The following UBE2QL1 variants were observed in gnomAD, a reference collection of about 807,000 sequenced individuals.
UBE2QL1 encodes ubiquitin conjugating enzyme E2 QL1.
Under a neutral mutation model 12.6 loss-of-function variants are expected in UBE2QL1, and 5 were observed. That is an observed-to-expected ratio of 0.40 (90% CI 0.21 to 0.83). UBE2QL1 has a LOEUF of 0.83. UBE2QL1 is among the 40% of genes least tolerant of loss of function. UBE2QL1 has a pLI of 0.37. For synonymous variants in UBE2QL1, 96 were observed against 94.5 expected, an observed-to-expected ratio of 1.02 and a Z score of -0.10; for missense variants, 99 against 222.6, an observed-to-expected ratio of 0.44 and a Z score of 3.53.
chr5:6,463,985 A>T (rs1341298262), intron 1 of UBE2QL1, among the ~76,000 whole-genome samples: 3 of 148,492 alleles, frequency 2.0e-5, no homozygotes, highest in African/African-American at 7.5e-5. Context: ...TTTTTTTTTT[A>T]ATTTGAGACA....
chr5:6,460,138 CA>C (rs1560928900), intron 1 of UBE2QL1, among the ~76,000 whole-genome samples: 1 of 152,130 alleles, frequency 6.6e-6, no homozygotes, highest in African/African-American at 2.4e-5. Context: ...CAGGCAGAGG[CA>C]AGGCTCCAGC....
chr5:6,476,972 T>C lies in UBE2QL1; in HGVS notation c.355-14246T>C, dbSNP rs911027794. On this transcript the variant is annotated intron_variant, in intron 1 of 1. Transcript: ENST00000399816. The surrounding 1 kb of genome is among the most constrained non-coding windows in gnomAD (Gnocchi z 4.9). ...CACCTTCACCCCATCCTCCCCAGGA[T>C]GGCCCACATGGAAGCCCACAGACCA... Among the ~76,000 whole-genome samples, 1 of 152,072 alleles carries C rather than the reference T, an allele frequency of 6.6e-6. No individual in the cohort carries two copies. Among genetic ancestry groups the C allele is most frequent in the Non-Finnish European group, 1.5e-5 (1 of 68,018 alleles).
chr5:6,483,171 C>T (rs748860463), intron 1 of UBE2QL1, among the ~76,000 whole-genome samples: 17 of 152,178 alleles, frequency 1.1e-4, no homozygotes, highest in Non-Finnish European at 1.6e-4. Context: ...TGCGGTGGCT[C>T]ATGCCTGTAA....
chr5:6,466,813 T>C (rs1739805826), intron 1 of UBE2QL1, among the ~76,000 whole-genome samples: 1 of 152,214 alleles, frequency 6.6e-6, no homozygotes, highest in South Asian at 2.1e-4. Context: ...GTCAGAGTGT[T>C]TTAGTACGTG....
chr5:6,459,861 G>A (rs988123635), intron 1 of UBE2QL1, among the ~76,000 whole-genome samples: 1 of 152,134 alleles, frequency 6.6e-6, no homozygotes, highest in Non-Finnish European at 1.5e-5. Context: ...CCTAATTATA[G>A]GAAGTGCTGA....
intron 1 of UBE2QL1, among the ~76,000 whole-genome samples, chr5:6,449,800 T>C (rs1481520976): frequency 1.3e-5 from 2 of 151,684 alleles, no homozygotes; most frequent in Non-Finnish European, 2.9e-5. Context: ...ATAATCTCTA[T>C]GAAGGTGAGA....
At chr5:6,457,221 C>A (rs1739544620) in intron 1 of UBE2QL1, among the ~76,000 whole-genome samples, 2 of 151,990 alleles carry the variant, frequency 1.3e-5, no homozygotes, top group Admixed American at 1.3e-4. Context: ...CCACCAGCCC[C>A]TTCTGCCTGG....
In UBE2QL1 at chr5:6,492,168, G is replaced by C. The variant is rs897820765; in HGVS notation, c.*819G>C. On this transcript the variant is annotated 3_prime_UTR_variant, in exon 2 of 2. Transcript: ENST00000399816. ...ACAGTCTCGTCCGATGTTAGGAAAT[G>C]GTCCTACGGCCGCGCCTTTGTGTTC... The C allele has an allele frequency of 6.6e-6, 1 of 152,238 alleles. No individual in the cohort carries two copies. Among genetic ancestry groups the C allele is most frequent in the Non-Finnish European group, 1.5e-5 (1 of 68,048 alleles). The allele number at this position is 152,238 out of a possible 1,614,324, so 9.4% of individuals were successfully genotyped here.
chr5:6,478,183 T>C lies in UBE2QL1; in HGVS notation c.355-13035T>C, dbSNP rs566028845. Among the ~76,000 whole-genome samples, 121 of 152,384 alleles carry C rather than the reference T, an allele frequency of 7.9e-4. No homozygotes were observed. Among genetic ancestry groups the C allele is most frequent in the Non-Finnish European group, 1.4e-3 (94 of 68,040 alleles). On this transcript the variant is annotated intron_variant, in intron 1 of 1. Coordinates refer to ENST00000399816, the MANE Select transcript of UBE2QL1 (RefSeq NM_001145161.3). This position sits in a 1 kb window ranked among gnomAD's most constrained non-coding sequence, Gnocchi z 4.5. ...AGATCATATTTTCACACGGAAATTTTACCTGAAAATATATCTGAAGACTTC... is the reference window on the plus strand; with the variant it reads ...AGATCATATTTTCACACGGAAATTTCACCTGAAAATATATCTGAAGACTTC...
At chr5:6,487,804 G>A (rs1204809998) in intron 1 of UBE2QL1, among the ~76,000 whole-genome samples, 2 of 152,222 alleles carry the variant, frequency 1.3e-5, no homozygotes, top group African/African-American at 2.4e-5. Flanking sequence ...CATTTCAAGA[G>A]ACTGTATCCT....
At chr5:6,485,333 T>C (rs890578963) in intron 1 of UBE2QL1, among the ~76,000 whole-genome samples, 2 of 152,228 alleles carry the variant, frequency 1.3e-5, no homozygotes, top group African/African-American at 4.8e-5. Context: ...TCTGATCTGT[T>C]GTAGAGTCTC....
intron 1 of UBE2QL1, among the ~76,000 whole-genome samples, chr5:6,453,564 A>G (rs978128973): frequency 6.6e-6 from 1 of 152,200 alleles, no homozygotes; most frequent in Non-Finnish European, 1.5e-5. Context: ...TAATAAAGGA[A>G]ACTTGTCTAA....
rs116117813 is a variant in UBE2QL1, at chr5:6,451,792, A to G, written c.354+2545A>G. Reference sequence around the variant, plus strand: ...TGGTGTTTCAGGTAACCTGAGGTTGATTGTCTCTTTATGTACTTTTGCAAA... The same window carrying G: ...TGGTGTTTCAGGTAACCTGAGGTTGGTTGTCTCTTTATGTACTTTTGCAAA... On this transcript the variant is annotated intron_variant, in intron 1 of 1. Coordinates refer to ENST00000399816, the MANE Select transcript of UBE2QL1 (RefSeq NM_001145161.3). Among the ~76,000 whole-genome samples the G allele has an allele frequency of 4.4e-3, 670 of 152,304 alleles. 5 individuals carry two copies. Among genetic ancestry groups the G allele is most frequent in the African/African-American group, 0.015 (631 of 41,566 alleles).
chr5:6,450,098 C>A lies in UBE2QL1; in HGVS notation c.354+851C>A, dbSNP rs112258695. ...GAGACAAGACCAGACCCCCCCCCCC[C>A]ACGGCAATGCCTGTTTTCCCCTCAG... is the stretch of plus-strand genomic sequence containing the variant. On this transcript the variant is annotated intron_variant, in intron 1 of 1. Coordinates refer to ENST00000399816, the MANE Select transcript of UBE2QL1 (RefSeq NM_001145161.3). Among the ~76,000 whole-genome samples, 286 of 144,512 alleles carry A rather than the reference C, an allele frequency of 2.0e-3. 1 individual carries two copies. Among genetic ancestry groups the A allele is most frequent in the African/African-American group, 6.3e-3 (250 of 39,682 alleles). The allele number at this position is 144,512 out of a possible 152,430, so 94.8% of individuals were successfully genotyped here. A position where few individuals can be genotyped will look rare whatever the true frequency, so the allele number is the denominator to read the frequency against.
rs572728230 is a variant in UBE2QL1, at chr5:6,476,078, A to C, written c.355-15140A>C. Among the ~76,000 whole-genome samples the C allele has an allele frequency of 3.3e-5, 5 of 152,182 alleles. No individual in the cohort carries two copies. In the East Asian group the frequency reaches 9.7e-4, roughly 30 times the overall value. On this transcript the variant is annotated intron_variant, in intron 1 of 1. Transcript: ENST00000399816. This position sits in a 1 kb window ranked among gnomAD's most constrained non-coding sequence, Gnocchi z 4.9. ...CTCAGAACACTTTCAGGACTTCAAA[A>C]TCAGGGTGGGGTATGCCTGCTTAGT...
At chr5:6,450,787 C>G (rs1399481069) in intron 1 of UBE2QL1, among the ~76,000 whole-genome samples, 1 of 152,286 alleles carries the variant, frequency 6.6e-6, no homozygotes, top group East Asian at 1.9e-4. Flanking sequence ...ACACATTTCC[C>G]GAGTTAGAAA....
rs1232475686 is a variant in UBE2QL1 at position 6,495,505 on chromosome 5, T to A, written c.*4156T>A. Among the ~76,000 whole-genome samples the A allele has an allele frequency of 6.6e-6, 1 of 152,132 alleles. No homozygotes were observed. The highest frequency in any genetic ancestry group is 1.5e-5 in the Non-Finnish European group (1 of 68,024). On this transcript the variant is annotated 3_prime_UTR_variant, in exon 2 of 2. Coordinates refer to ENST00000399816, the MANE Select transcript of UBE2QL1 (RefSeq NM_001145161.3). ...GACAGGAGCCACAAGGCCACTGCCT[T>A]ACTGTGGCTTTCTGATCCTTTATGT...
At chr5:6,470,982 C>A (rs150205784) in intron 1 of UBE2QL1, among the ~76,000 whole-genome samples, 1 of 152,306 alleles carries the variant, frequency 6.6e-6, no homozygotes, top group Non-Finnish European at 1.5e-5. Context: ...GATTTCACTA[C>A]TTCCCGATCT....
intron 1 of UBE2QL1, among the ~76,000 whole-genome samples, chr5:6,455,857 A>G (rs1739509389): frequency 6.6e-6 from 1 of 152,054 alleles, no homozygotes; most frequent in Admixed American, 6.5e-5. Context: ...GTCCTAGGTC[A>G]ACCCTGACTC....
Sources: gnomAD v4.1 joint callset for allele counts (sites outside exome capture counted in the v4.1 genomes callset) on GRCh38, gnomAD v4.1.1 for gene constraint, Gnocchi (gnomAD v3.1) non-coding constraint, MANE v1.5 for transcripts, NCBI Gene and HGNC (gene_info 2026-07-23, HGNC 2026-07-21) for gene names.